IFT81: variants seen among roughly 807,000 people sequenced by gnomAD.
The protein encoded by IFT81 is intraflagellar transport protein 81 homolog.
IFT81 carries 72 observed loss-of-function variants against 102.6 expected under a neutral mutation model. The observed-to-expected ratio is 0.70, with a 90% CI of 0.58 to 0.85. The LOEUF (loss-of-function observed/expected upper bound fraction) is 0.85, where lower values mean the gene tolerates loss of function less well. IFT81 is among the 40% of genes least tolerant of loss of function. The pLI is 0.00. For missense variants in IFT81, 723 were observed against 787.3 expected (o/e 0.92, Z 0.98); for synonymous variants, 237 against 242.7 (o/e 0.98, Z 0.22).
At chr12:110,198,189 C>T (rs1020124013) in intron 14 of IFT81, among the ~76,000 whole-genome samples, 2 of 151,832 alleles carry the variant, frequency 1.3e-5, no homozygotes, top group Non-Finnish European at 2.9e-5. Context: ...TCCTGAAATA[C>T]AATTTCCTTG....
intron 4 of IFT81, among the ~76,000 whole-genome samples, chr12:110,130,405 G>C (rs1476435652): frequency 7.0e-6 from 1 of 142,588 alleles, no homozygotes; most frequent in Non-Finnish European, 1.5e-5. Flanking sequence ...TTGCTCTGTT[G>C]CCCAGGCTGG....
rs1214507035 is a variant in IFT81, at chr12:110,214,625, A to G, written c.1849-3419A>G. On this transcript the variant is annotated intron_variant, in intron 18 of 18. Transcript: ENST00000242591. ...GTAAACAAATGTAAATGATAATAAG[A>G]TTTAAAATATATACATACTAACATC... Among the ~76,000 whole-genome samples the G allele has an allele frequency of 4.6e-5, 7 of 152,362 alleles. No individual in the cohort carries two copies. In the South Asian group the frequency reaches 1.0e-3, roughly 23 times the overall value.
chr12:110,177,267 TTTTTGTTTTG>T (rs371205633), intron 11 of IFT81, among the ~76,000 whole-genome samples: 224 of 152,114 alleles, frequency 1.5e-3, no homozygotes, highest in African/African-American at 5.0e-3. Context: ...AAAGTTTGTT[TTTTTGTTTTG>T]TTTTGTTTTG....
intron 11 of IFT81, chr12:110,167,827 A>C (rs1218485520): frequency 3.6e-6 from 1 of 280,096 alleles, no homozygotes; most frequent in Non-Finnish European, 6.8e-6. Flanking sequence ...TGTAAGTACA[A>C]TTTTTTTTTA....
At chr12:110,193,178 A>G (rs1469072235) in intron 14 of IFT81, among the ~76,000 whole-genome samples, 1 of 152,138 alleles carries the variant, frequency 6.6e-6, no homozygotes, top group Non-Finnish European at 1.5e-5. Flanking sequence ...CCTCCCCCCA[A>G]AAATGACTTG....
At chr12:110,198,238 C>A (rs769263732) in intron 14 of IFT81, among the ~76,000 whole-genome samples, 7 of 151,128 alleles carry the variant, frequency 4.6e-5, no homozygotes, top group Non-Finnish European at 8.8e-5. Flanking sequence ...TTAGTGTTCG[C>A]AGTAAAGAAT....
intron 14 of IFT81, among the ~76,000 whole-genome samples, chr12:110,202,599 C>T (rs952928441): frequency 1.3e-5 from 2 of 151,914 alleles, no homozygotes; most frequent in Non-Finnish European, 1.5e-5. Context: ...ACTACAGGCA[C>T]GTGCCACCAT....
intron 7 of IFT81, among the ~76,000 whole-genome samples, 194 bp downstream of exon 7, chr12:110,135,631 G>T (rs988914419): frequency 6.6e-6 from 1 of 152,130 alleles, no homozygotes; most frequent in Admixed American, 6.6e-5. Context: ...CACTTTGGGA[G>T]GCTGAGGCGG....
At chr12:110,199,238 G>A (rs1372928054) in intron 14 of IFT81, among the ~76,000 whole-genome samples, 1 of 151,982 alleles carries the variant, frequency 6.6e-6, no homozygotes, top group Non-Finnish European at 1.5e-5. Context: ...TATATCTTCT[G>A]ATTCTCACTC....
At chr12:110,153,109 A>T (rs897252627) in intron 10 of IFT81, among the ~76,000 whole-genome samples, 2 of 152,166 alleles carry the variant, frequency 1.3e-5, no homozygotes, top group Non-Finnish European at 2.9e-5. Flanking sequence ...CATTTGCCCT[A>T]TGTTTCCTTC....
intron 18 of IFT81, among the ~76,000 whole-genome samples, chr12:110,210,756 C>T (rs1869298761): frequency 1.3e-5 from 2 of 151,726 alleles, no homozygotes; most frequent in Admixed American, 1.3e-4. Flanking sequence ...CTACCACTAT[C>T]ATACCAAAAT....
chr12:110,136,743 T>C, intron 7 of IFT81, 33 bp from the exon 8 acceptor site: 2 of 1,365,588 alleles, frequency 1.5e-6, no homozygotes, highest in African/African-American at 1.4e-5. Flanking sequence ...TTCAGTAGAC[T>C]AAGCAAGTAA....
chr12:110,212,572 C>T (rs1454111680), intron 18 of IFT81, among the ~76,000 whole-genome samples: 2 of 146,512 alleles, frequency 1.4e-5, no homozygotes, highest in East Asian at 4.1e-4. Context: ...TGCAGTGGCT[C>T]ATGCCTGTAA....
chr12:110,192,418 T>G (rs1897838685), intron 13 of IFT81, among the ~76,000 whole-genome samples, 199 bp from the exon 14 acceptor site: 1 of 152,188 alleles, frequency 6.6e-6, no homozygotes, highest in Non-Finnish European at 1.5e-5. Context: ...GAACTGACGT[T>G]TTGAATGATT....
In IFT81 at chr12:110,158,397, T is replaced by A. The variant is rs1593312992; in HGVS notation, c.1042-4522T>A. On this transcript the variant is annotated intron_variant, in intron 10 of 18. Coordinates refer to ENST00000242591, the MANE Select transcript of IFT81 (RefSeq NM_014055.4). Reference sequence around the variant, plus strand: ...TGCCTGGCCTGTTTTCAAATTTTTTTAACAATTTTATTCTAAAAAATAGAA... The same window carrying A: ...TGCCTGGCCTGTTTTCAAATTTTTTAAACAATTTTATTCTAAAAAATAGAA... Among the ~76,000 whole-genome samples, 4 of 151,632 alleles carry A rather than the reference T, an allele frequency of 2.6e-5. No homozygotes were observed. The South Asian group carries it at 8.4e-4, about 32-fold the overall frequency.
chr12:110,196,101 A>G (rs934621739), intron 14 of IFT81, among the ~76,000 whole-genome samples: 9 of 152,214 alleles, frequency 5.9e-5, no homozygotes, highest in East Asian at 5.8e-4. Flanking sequence ...AGATGAAAAG[A>G]GTTATGTAGA....
In IFT81 at chr12:110,162,935, G is replaced by A. The variant is rs765241061; in HGVS notation, c.1058G>A (p.Arg353His). ...CTCAATCAGGCATCTATCATTTCCCGTAAAAAAGAAGCCAAAGCTGAGGAA... is the reference window on the plus strand; with the variant it reads ...CTCAATCAGGCATCTATCATTTCCCATAAAAAAGAAGCCAAAGCTGAGGAA... ...LYRQQASIIS[R>H]KKEAKAEELQ... The change falls in exon 11 of 19, where the codon CGT becomes CAT. Residue 353 changes from arginine to histidine, a missense_variant. Arg to His is a conservative substitution (Grantham distance 29, BLOSUM62 0). Coordinates refer to ENST00000242591, the MANE Select transcript of IFT81 (RefSeq NM_014055.4). The A allele has an allele frequency of 1.6e-5, 25 of 1,611,922 alleles. No homozygotes were observed. The South Asian group carries it at 1.7e-4, about 11-fold the overall frequency.
intron 11 of IFT81, among the ~76,000 whole-genome samples, chr12:110,169,337 C>T (rs766241343): frequency 2.0e-5 from 3 of 152,112 alleles, no homozygotes; most frequent in Non-Finnish European, 2.9e-5. Flanking sequence ...TTTCCCTCTG[C>T]GATTTTGCTT....
At chr12:110,179,968 G>A (rs1380602923) in intron 11 of IFT81, among the ~76,000 whole-genome samples, 2 of 121,820 alleles carry the variant, frequency 1.6e-5, no homozygotes, top group African/African-American at 5.9e-5. Context: ...AATTCATTTG[G>A]TAAGTACTAT....
Sources: allele counts gnomAD v4.1 joint callset (sites outside exome capture counted in the v4.1 genomes callset), GRCh38; gene constraint gnomAD v4.1.1; transcripts MANE v1.5; gene names NCBI Gene and HGNC (gene_info 2026-07-23, HGNC 2026-07-21).